Variants in DCUN1D4 observed in about 807,000 individuals in gnomAD.
DCUN1D4 encodes the protein DCN1-like protein 4.
Under a neutral mutation model 47.9 loss-of-function variants are expected in DCUN1D4, and 22 were observed. That is an observed-to-expected ratio of 0.46 (90% CI 0.33 to 0.66). The LOEUF (loss-of-function observed/expected upper bound fraction) is 0.66. Among genes scored for constraint, DCUN1D4 ranks in the 30% least tolerant of loss-of-function variants. The probability of loss-of-function intolerance (pLI) is 0.02; values close to 1 mark genes in which losing one functional copy is unlikely to be tolerated. For missense variants in DCUN1D4, 301 were observed against 340.8 expected (o/e 0.88, Z 0.92); for synonymous variants, 121 against 112.2 (o/e 1.08, Z -0.50).
At chr4:51,842,999 C>G, upstream of DCUN1D4, 3 of 1,272,582 alleles carry the variant, frequency 2.4e-6, no homozygotes, top group Non-Finnish European at 3.1e-6. Context: ...TCGTATTGGC[C>G]AGTGGGGGGC....
chr4:51,884,380 A>G (rs1026177368), intron 5 of DCUN1D4: 1 of 152,178 alleles, frequency 6.6e-6, no homozygotes, highest in Non-Finnish European at 1.5e-5. Context: ...GTCTCCCTTC[A>G]TGGAGGGCAG....
At chr4:51,840,510 C>T (rs1400911212), upstream of DCUN1D4, among the ~76,000 whole-genome samples, 1 of 152,178 alleles carries the variant, frequency 6.6e-6, no homozygotes, top group Non-Finnish European at 1.5e-5. Flanking sequence ...CCAAGTGACT[C>T]AGATTAAACA....
intron 7 of DCUN1D4, among the ~76,000 whole-genome samples, chr4:51,897,675 C>T (rs1731478492): frequency 6.6e-6 from 1 of 152,162 alleles, no homozygotes; most frequent in Non-Finnish European, 1.5e-5. Context: ...GGAGAAATGG[C>T]TGATTTCAAG....
At chr4:51,886,952 G>T (rs7665231) in intron 6 of DCUN1D4, 2 of 421,868 alleles carry the variant, frequency 4.7e-6, no homozygotes, top group Non-Finnish European at 9.0e-6. Flanking sequence ...CACATTGTAC[G>T]CTGTGTACCT....
intron 1 of DCUN1D4, among the ~76,000 whole-genome samples, chr4:51,850,035 G>T (rs1723143435): frequency 6.6e-6 from 1 of 152,040 alleles, no homozygotes; most frequent in African/African-American, 2.4e-5. Flanking sequence ...TACCCCAAAA[G>T]TTCCCTTGTG....
At chr4:51,887,161 T>C (rs1299837801) in intron 6 of DCUN1D4, 1 of 447,206 alleles carries the variant, frequency 2.2e-6, no homozygotes, top group Non-Finnish European at 4.5e-6. Flanking sequence ...AGTGCAATGG[T>C]ATGATGTCGG....
upstream of DCUN1D4, chr4:51,843,094 G>C (rs923803962): frequency 1.4e-6 from 2 of 1,426,412 alleles, no homozygotes; most frequent in Admixed American, 2.6e-5. Flanking sequence ...CCTGAGCCGC[G>C]GTTTAGCCAA....
At chr4:51,848,860 G>GA (rs371214213) in intron 1 of DCUN1D4, among the ~76,000 whole-genome samples, 3 of 151,940 alleles carry the variant, frequency 2.0e-5, no homozygotes, top group Admixed American at 2.0e-4. Flanking sequence ...CTAATGTACT[G>GA]AAAAAAACAC....
intron 1 of DCUN1D4, among the ~76,000 whole-genome samples, chr4:51,844,690 GC>G (rs1430247052): frequency 6.6e-6 from 1 of 151,830 alleles, no homozygotes; most frequent in African/African-American, 2.4e-5. Context: ...CTTCTCCCAG[GC>G]GTGCTGGGAG....
At chr4:51,863,341 A>G in intron 1 of DCUN1D4, 96 bp from the exon 2 acceptor site, 1 of 999,526 alleles carries the variant, frequency 1.0e-6, no homozygotes, top group South Asian at 1.4e-5. Flanking sequence ...TTGAGATAGT[A>G]TTTAATTATA....
At chr4:51,871,841 T>TA (rs1726943879) in intron 3 of DCUN1D4, among the ~76,000 whole-genome samples, 1 of 152,258 alleles carries the variant, frequency 6.6e-6, no homozygotes, top group Admixed American at 6.5e-5. Context: ...TTGGACCTTT[T>TA]AATATGCTTT....
At chr4:51,849,157 T>TTA (rs1345426883) in intron 1 of DCUN1D4, among the ~76,000 whole-genome samples, 2 of 152,342 alleles carry the variant, frequency 1.3e-5, no homozygotes, top group East Asian at 3.9e-4. Flanking sequence ...TGGAGAATTC[T>TTA]TACCCTGGCA....
chr4:51,834,468 A>T, the DCUN1D4 span, among the ~76,000 whole-genome samples: 1 of 151,748 alleles, frequency 6.6e-6, no homozygotes. Context: ...GCTTTTACAC[A>T]CCCGACTGGC....
At chr4:51,855,556 G>T (rs1724008113) in intron 1 of DCUN1D4, among the ~76,000 whole-genome samples, 1 of 152,212 alleles carries the variant, frequency 6.6e-6, no homozygotes, top group Non-Finnish European at 1.5e-5. Flanking sequence ...AACGTCAAGG[G>T]TCATGGAGGC....
chr4:51,886,624 G>A lies in DCUN1D4; in HGVS notation c.400G>A (p.Val134Ile). The change falls in exon 6 of 11, where the codon GTT (valine) becomes ATT (isoleucine). Residue 134 changes from valine (V) to isoleucine (I), a missense_variant. This residue lies in a region of DCUN1D4 where 170 missense variants were observed against 234.5 expected (regional missense o/e 0.73). Coordinates refer to ENST00000334635, the MANE Select transcript of DCUN1D4 (RefSeq NM_001040402.3). ...GGAGAAATTTTGTGAAGACATTGGTGTTGAACCAGAAAACGTGAGTCAAAC... is the reference window on the plus strand; with the variant it reads ...GGAGAAATTTTGTGAAGACATTGGTATTGAACCAGAAAACGTGAGTCAAAC... ...GMEKFCEDIG[V>I]EPENVVMLVL... is the part of the protein sequence containing the mutation. 6.2e-7 allele frequency: 1 copy of A among 1,613,934 alleles called. No individual in the cohort carries two copies. Among genetic ancestry groups the A allele is most frequent in the East Asian group, 2.2e-5 (1 of 44,822 alleles).
At chr4:51,913,201 C>A in intron 9 of DCUN1D4, 89 bp from the exon 10 acceptor site, 1 of 796,966 alleles carries the variant, frequency 1.3e-6, no homozygotes, top group South Asian at 2.0e-5. Context: ...CTTACATGAA[C>A]TTAATTAAGT....
intron 8 of DCUN1D4, among the ~76,000 whole-genome samples, chr4:51,901,076 G>A (rs1732027628): frequency 6.6e-6 from 1 of 152,004 alleles, no homozygotes; most frequent in Admixed American, 6.5e-5. Flanking sequence ...GCCCTCTTCT[G>A]GTAGCCTCAT....
chr4:51,863,900 G>T (rs1327046655), intron 3 of DCUN1D4, among the ~76,000 whole-genome samples, 191 bp downstream of exon 3: 1 of 152,156 alleles, frequency 6.6e-6, no homozygotes, highest in Non-Finnish European at 1.5e-5. Flanking sequence ...AATCTCTTCT[G>T]GAAGCACTTT....
chr4:51,861,456 C>G (rs1458774052), intron 1 of DCUN1D4, among the ~76,000 whole-genome samples: 1 of 152,068 alleles, frequency 6.6e-6, no homozygotes, highest in Non-Finnish European at 1.5e-5. Context: ...TCTACTTCTT[C>G]CACATTTATA....
Sources: allele counts gnomAD v4.1 joint callset (sites outside exome capture counted in the v4.1 genomes callset), GRCh38; gene constraint gnomAD v4.1.1; regional missense constraint gnomAD v4.1.1; transcripts MANE v1.5; gene names NCBI Gene and HGNC (gene_info 2026-07-23, HGNC 2026-07-21).